PAPPA2: variants seen among roughly 807,000 people sequenced by gnomAD.
The protein encoded by PAPPA2 is pappalysin-2.
In PAPPA2, 86 loss-of-function variants were observed where a neutral mutation model predicts 176.4. The ratio of observed to expected loss-of-function variants is 0.49; its 90% confidence interval spans 0.41 to 0.58. The LOEUF (loss-of-function observed/expected upper bound fraction) is 0.58. PAPPA2 is among the 20% of genes least tolerant of loss of function. The pLI, the probability that PAPPA2 is intolerant of heterozygous loss-of-function variation, is 0.00. For synonymous variants in PAPPA2, 809 were observed against 852.2 expected (o/e 0.95, Z 0.88); for missense variants, 2,073 against 2,256.9 (o/e 0.92, Z 1.65).
chr1:176,487,135 A>C (rs1358312768), intron 1 of PAPPA2, among the ~76,000 whole-genome samples: 1 of 152,184 alleles, frequency 6.6e-6, no homozygotes, highest in Non-Finnish European at 1.5e-5. Context: ...CGTATCTTAT[A>C]AAATATGGAT....
chr1:176,632,972 A>G (rs1353216668), intron 3 of PAPPA2, among the ~76,000 whole-genome samples: 1 of 152,146 alleles, frequency 6.6e-6, no homozygotes, highest in East Asian at 1.9e-4. Context: ...GAAGGAGAGG[A>G]AGGAGGAGAA....
chr1:176,493,702 A>G (rs1647426663), intron 1 of PAPPA2, among the ~76,000 whole-genome samples: 1 of 152,172 alleles, frequency 6.6e-6, no homozygotes, highest in East Asian at 1.9e-4. Context: ...TCTTCTGGAG[A>G]GAAGAAAGTG....
At chr1:176,758,965 A>G (rs1439621940) in intron 14 of PAPPA2, among the ~76,000 whole-genome samples, 1 of 152,232 alleles carries the variant, frequency 6.6e-6, no homozygotes, top group Non-Finnish European at 1.5e-5. Context: ...TGGAAGGCCA[A>G]GATGGTTAAG....
intron 3 of PAPPA2, among the ~76,000 whole-genome samples, chr1:176,647,059 C>CT (rs1194910697): frequency 6.6e-6 from 1 of 151,504 alleles, no homozygotes; most frequent in African/African-American, 2.4e-5. Context: ...TTCTCCATAC[C>CT]TTTGCCAGCA....
chr1:176,564,395 G>A (rs1651840419), intron 2 of PAPPA2, among the ~76,000 whole-genome samples: 1 of 152,222 alleles, frequency 6.6e-6, no homozygotes, highest in African/African-American at 2.4e-5. Context: ...TTGTTAGAAT[G>A]TGCAAGCAGT....
chr1:176,671,422 G>A (rs1658990026), intron 4 of PAPPA2, among the ~76,000 whole-genome samples: 1 of 152,292 alleles, frequency 6.6e-6, no homozygotes, highest in South Asian at 2.1e-4. Flanking sequence ...CCCAAGTGGG[G>A]AACTATCAAA....
At chr1:176,829,450 A>G (rs1667001376) in intron 21 of PAPPA2, among the ~76,000 whole-genome samples, 1 of 152,208 alleles carries the variant, frequency 6.6e-6, no homozygotes, top group African/African-American at 2.4e-5. Flanking sequence ...ATGTGCCTGC[A>G]TGCGGTGAAC....
chr1:176,495,920 A>G (rs1011109971), intron 1 of PAPPA2, among the ~76,000 whole-genome samples: 1 of 152,084 alleles, frequency 6.6e-6, no homozygotes, highest in East Asian at 1.9e-4. Context: ...GGCATGAGCT[A>G]TTATGCCTGG....
At chr1:176,759,662 ATGGACCTGTAT>A (rs1663599979) in intron 14 of PAPPA2, among the ~76,000 whole-genome samples, 2 of 152,164 alleles carry the variant, frequency 1.3e-5, no homozygotes, top group Admixed American at 1.3e-4. Context: ...CTCCCCGAAT[ATGGACCTGTAT>A]TGGAAGCTAT....
In PAPPA2 at chr1:176,765,715, C is replaced by T; in HGVS notation, c.4201C>T (p.Leu1401Phe). Residue 1401 changes from leucine (L) to phenylalanine (F), a missense_variant, in exon 15 of 23, where the codon CTT (leucine) becomes TTT (phenylalanine). Leu to Phe is a conservative substitution (Grantham distance 22, BLOSUM62 0). This residue lies in a region of PAPPA2 where 846 missense variants were observed against 857.9 expected (regional missense o/e 0.99). Transcript: ENST00000367662. Reference protein sequence around the residue: ...GKQDSCPSLLLDHADVVNCTS... With the variant: ...GKQDSCPSLLFDHADVVNCTS... ...GCAGGACAGCTGTCCGTCATTGCTG[C>T]TTGATCATGCTGATGTGGTGAACTG... 1.2e-6 allele frequency: 2 copies of T among 1,614,082 alleles called. No homozygotes were observed. The highest frequency in any genetic ancestry group is 1.1e-5 in the South Asian group (1 of 91,086).
At chr1:176,564,600 T>C (rs1471293985) in intron 2 of PAPPA2, among the ~76,000 whole-genome samples, 1 of 152,190 alleles carries the variant, frequency 6.6e-6, no homozygotes, top group African/African-American at 2.4e-5. Context: ...CTATCAGTGG[T>C]GGGACATACC....
chr1:176,587,505 T>C (rs1653388001), intron 2 of PAPPA2, among the ~76,000 whole-genome samples: 1 of 152,232 alleles, frequency 6.6e-6, no homozygotes, highest in Non-Finnish European at 1.5e-5. Context: ...GTTTTCTGAC[T>C]ATGGCTTGCC....
intron 2 of PAPPA2, among the ~76,000 whole-genome samples, chr1:176,587,521 T>C (rs571659441): frequency 6.6e-6 from 1 of 152,360 alleles, no homozygotes; most frequent in East Asian, 1.9e-4. Flanking sequence ...TTGCCAGTTT[T>C]CCCAGCACCA....
chr1:176,608,282 T>G (rs1273622214), intron 3 of PAPPA2, among the ~76,000 whole-genome samples: 1 of 152,208 alleles, frequency 6.6e-6, no homozygotes, highest in Non-Finnish European at 1.5e-5. Context: ...TCTTCATGGG[T>G]GCTTTATGAT....
intron 3 of PAPPA2, among the ~76,000 whole-genome samples, chr1:176,654,013 T>G (rs1282463863): frequency 6.6e-6 from 1 of 151,836 alleles, no homozygotes; most frequent in African/African-American, 2.4e-5. Flanking sequence ...CTGTTCACTC[T>G]GCCGATTATT....
chr1:176,726,495 A>G (rs778863432), intron 12 of PAPPA2, among the ~76,000 whole-genome samples: 6 of 152,196 alleles, frequency 3.9e-5, no homozygotes, highest in African/African-American at 4.8e-5. Flanking sequence ...AGCCTTGGCA[A>G]TGGGGAGCAT....
In PAPPA2 at chr1:176,533,739, A is replaced by C. The variant is rs540145662; in HGVS notation, c.-916-21668A>C. On this transcript the variant is annotated intron_variant, in intron 1 of 22. Coordinates refer to ENST00000367662, the MANE Select transcript of PAPPA2 (RefSeq NM_020318.3). Reference sequence around the variant, plus strand: ...CTTGTGAAAATGCAAATTCTAATTCAGTGGAATGGCCCTCGATTCAGCAAT... The same window carrying C: ...CTTGTGAAAATGCAAATTCTAATTCCGTGGAATGGCCCTCGATTCAGCAAT... 6.6e-5 allele frequency among the ~76,000 whole-genome samples: 10 copies of C among 152,318 alleles called. No homozygotes were observed. In the East Asian group the frequency reaches 1.7e-3, roughly 26 times the overall value.
chr1:176,762,839 A>C (rs1053671081), intron 14 of PAPPA2, among the ~76,000 whole-genome samples: 1 of 152,174 alleles, frequency 6.6e-6, no homozygotes, highest in East Asian at 1.9e-4. Context: ...TTCTTCCTTC[A>C]TCAGGTCTCA....
chr1:176,630,369 G>A (rs778950479), intron 3 of PAPPA2, among the ~76,000 whole-genome samples: 7 of 152,156 alleles, frequency 4.6e-5, no homozygotes, highest in Non-Finnish European at 1.0e-4. Context: ...GCACAGAGAT[G>A]TGAAATGACA....
Sources: gnomAD v4.1 joint callset for allele counts (sites outside exome capture counted in the v4.1 genomes callset) on GRCh38, gnomAD v4.1.1 for gene constraint, gnomAD v4.1.1 regional missense constraint, MANE v1.5 for transcripts, NCBI Gene and HGNC (gene_info 2026-07-23, HGNC 2026-07-21) for gene names.